SHANK2: variants seen among roughly 807,000 people sequenced by gnomAD.
The protein encoded by SHANK2 is SH3 and multiple ankyrin repeat domains 2.
SHANK2 carries 43 observed loss-of-function variants against 133.7 expected under a neutral mutation model. The ratio of observed to expected loss-of-function variants is 0.32; its 90% CI spans 0.25 to 0.41. The LOEUF is 0.41. Ranked by LOEUF, SHANK2 falls within the 10% of genes least tolerant of loss-of-function variation. SHANK2 has a pLI of 1.00. For missense variants in SHANK2, 1,994 were observed against 2,235.8 expected, an observed-to-expected ratio of 0.89 and a Z score of 2.18; for synonymous variants, 1,017 against 952.8, an observed-to-expected ratio of 1.07 and a Z score of -1.24.
intron 10 of SHANK2, among the ~76,000 whole-genome samples, chr11:70,910,860 A>G (rs1224915139): frequency 6.6e-6 from 1 of 152,084 alleles, no homozygotes; most frequent in African/African-American, 2.4e-5. Context: ...TACACTGCCA[A>G]ACTGGATAAC....
At chr11:70,585,152 C>T (rs1228350628) in intron 17 of SHANK2, among the ~76,000 whole-genome samples, 2 of 152,252 alleles carry the variant, frequency 1.3e-5, no homozygotes, top group Non-Finnish European at 2.9e-5. Flanking sequence ...GGAAATGGTG[C>T]CAGGCTCTGG....
chr11:71,086,814 C>T (rs1156871049), intron 8 of SHANK2, among the ~76,000 whole-genome samples: 1 of 152,154 alleles, frequency 6.6e-6, no homozygotes, highest in Non-Finnish European at 1.5e-5. Flanking sequence ...CCGCACCCAT[C>T]CCTTATCTGC....
At chr11:71,219,305 G>A (rs146379927) in intron 2 of SHANK2, among the ~76,000 whole-genome samples, 1 of 152,308 alleles carries the variant, frequency 6.6e-6, no homozygotes, top group African/African-American at 2.4e-5. Flanking sequence ...GAGCACGGCT[G>A]GGTGCCAATA....
chr11:71,141,513 A>C (rs192302547), intron 3 of SHANK2, among the ~76,000 whole-genome samples: 3 of 152,196 alleles, frequency 2.0e-5, no homozygotes, highest in Admixed American at 1.3e-4. Flanking sequence ...TTCTCAAACA[A>C]ACAAACAACA....
At chr11:71,059,480 G>A (rs1950961790) in intron 9 of SHANK2, among the ~76,000 whole-genome samples, 1 of 152,158 alleles carries the variant, frequency 6.6e-6, no homozygotes, top group Non-Finnish European at 1.5e-5. Context: ...TGAACTGTAT[G>A]GTGTGTGAAT....
chr11:70,782,547 G>C (rs1225662935), intron 14 of SHANK2, among the ~76,000 whole-genome samples: 1 of 152,238 alleles, frequency 6.6e-6, no homozygotes, highest in Non-Finnish European at 1.5e-5. Flanking sequence ...AGACCACAGA[G>C]CTGTGTGGAA....
At chr11:70,849,116 C>A (rs1225315653) in intron 11 of SHANK2, among the ~76,000 whole-genome samples, 3 of 152,118 alleles carry the variant, frequency 2.0e-5, no homozygotes, top group Non-Finnish European at 4.4e-5. Flanking sequence ...CACACACCCC[C>A]TCCCCACCAG....
intron 25 of SHANK2, among the ~76,000 whole-genome samples, chr11:70,481,478 C>A (rs1020711685): frequency 2.0e-5 from 3 of 152,224 alleles, no homozygotes; most frequent in Non-Finnish European, 2.9e-5. Context: ...ATGAGAGGAA[C>A]TTTAAAAGGG....
intron 11 of SHANK2, among the ~76,000 whole-genome samples, chr11:70,878,187 T>C (rs927815522): frequency 9.2e-5 from 14 of 152,128 alleles, no homozygotes; most frequent in Non-Finnish European, 1.9e-4. Context: ...ACATCTCTCT[T>C]ACAAAACCAA....
chr11:70,885,973 C>A (rs1331533383), intron 11 of SHANK2, among the ~76,000 whole-genome samples: 1 of 152,170 alleles, frequency 6.6e-6, no homozygotes, highest in Admixed American at 6.5e-5. Flanking sequence ...GCAACACGCA[C>A]GTGACCGACC....
intron 3 of SHANK2, among the ~76,000 whole-genome samples, chr11:71,141,240 G>A (rs1952548070): frequency 6.6e-6 from 1 of 152,116 alleles, no homozygotes; most frequent in African/African-American, 2.4e-5. Context: ...CCTCAAGGCT[G>A]ACAGCAGTTT....
chr11:70,633,259 T>C (rs1457981515), intron 17 of SHANK2, among the ~76,000 whole-genome samples: 1 of 148,436 alleles, frequency 6.7e-6, no homozygotes, highest in East Asian at 1.9e-4. Context: ...ATATAAAACA[T>C]GTATAAGTAT....
chr11:70,478,164 C>G (rs2058688021), intron 25 of SHANK2, among the ~76,000 whole-genome samples: 1 of 149,784 alleles, frequency 6.7e-6, no homozygotes, highest in African/African-American at 2.4e-5. Flanking sequence ...TTACTGTTTA[C>G]AAATTCAATT....
rs1946472676 is a variant in SHANK2 at position 70,739,283 on chromosome 11, C to G, written c.1778-40520G>C. 6.6e-6 allele frequency among the ~76,000 whole-genome samples: 1 copy of G among 152,100 alleles called. No homozygotes were observed. ...ACCCGGGGCATCTCCCATCTCCACCCATCTCCACTCATCTCCACCCATCTC... is the reference window on the plus strand; with the variant it reads ...ACCCGGGGCATCTCCCATCTCCACCGATCTCCACTCATCTCCACCCATCTC... On this transcript the variant is annotated intron_variant, in intron 14 of 25. Coordinates refer to ENST00000601538, the MANE Select transcript of SHANK2 (RefSeq NM_012309.5). This position sits in a 1 kb window ranked among gnomAD's most constrained non-coding sequence, Gnocchi z 4.3.
chr11:70,794,875 A>G (rs143731373), intron 14 of SHANK2, among the ~76,000 whole-genome samples: 6 of 152,298 alleles, frequency 3.9e-5, no homozygotes, highest in Non-Finnish European at 8.8e-5. Flanking sequence ...AGGGTTTAAT[A>G]TCTTATTTGC....
At position 71,094,562 on chromosome 11, in the gene SHANK2, C is replaced by T. The variant is rs1031969100; in HGVS notation, c.719G>A (p.Arg240Gln). The T allele has an allele frequency of 9.7e-6, 15 of 1,551,262 alleles. No homozygotes were observed. The East Asian group carries it at 1.7e-4, about 18-fold the overall frequency. Residue 240 changes from arginine (R) to glutamine (Q), a missense_variant, in exon 7 of 26, where the codon CGA becomes CAA. Physicochemically the swap from Arg to Gln is conservative, Grantham distance 43. Transcript: ENST00000601538. ...CTTCAGGGCAACTTGGTTCCTCGCT[C>T]GGGCAGCTTTGTGTAGGGCGGTCAT... Reference protein sequence around the residue: ...DGMTALHKAARARNQVALKTL... With the variant: ...DGMTALHKAAQARNQVALKTL...
Position 70,739,337 on chromosome 11 carries a change from C to A in SHANK2, c.1778-40574G>T, listed in dbSNP as rs1946473893. 6.6e-6 allele frequency among the ~76,000 whole-genome samples: 1 copy of A among 152,204 alleles called. No homozygotes were observed. Among genetic ancestry groups the A allele is most frequent in the Non-Finnish European group, 1.5e-5 (1 of 68,030 alleles). ...ACATCTCCACACATCTCCACCTCCC[C>A]ACAGAAGGGAGGAGGCCAGGAGGTG... is the stretch of plus-strand genomic sequence containing the variant. On this transcript the variant is annotated intron_variant, in intron 14 of 25. Coordinates refer to ENST00000601538, the MANE Select transcript of SHANK2 (RefSeq NM_012309.5). The surrounding 1 kb of genome is among the most constrained non-coding windows in gnomAD (Gnocchi z 4.3).
chr11:71,194,898 A>T (rs782523731), intron 2 of SHANK2, among the ~76,000 whole-genome samples: 4 of 152,206 alleles, frequency 2.6e-5, no homozygotes, highest in Non-Finnish European at 4.4e-5. Context: ...CATCCACCCC[A>T]GTCAAAGGTC....
intron 23 of SHANK2, 38 bp from the exon 24 acceptor site, chr11:70,489,386 G>T (rs1555155172): frequency 5.0e-6 from 8 of 1,609,452 alleles, no homozygotes; most frequent in Non-Finnish European, 6.8e-6. Flanking sequence ...ACCAGTAACC[G>T]CAAGACAAAT....
Sources: gnomAD v4.1 joint callset for allele counts (sites outside exome capture counted in the v4.1 genomes callset) on GRCh38, gnomAD v4.1.1 for gene constraint, Gnocchi (gnomAD v3.1) non-coding constraint, MANE v1.5 for transcripts, NCBI Gene and HGNC (gene_info 2026-07-23, HGNC 2026-07-21) for gene names.